OR9Q2: variants seen among roughly 807,000 people sequenced by gnomAD.
OR9Q2 encodes olfactory receptor family 9 subfamily Q member 2.
In OR9Q2, 2 loss-of-function variants were observed where a neutral mutation model predicts 2.3. That is an observed-to-expected ratio of 0.85 (90% CI 0.35 to 2.68). The LOEUF (loss-of-function observed/expected upper bound fraction) is 2.68. Ranked by LOEUF, OR9Q2 falls within the 30% of genes most tolerant of loss-of-function variation. The pLI is 0.10. For synonymous variants in OR9Q2, 178 were observed against 158.6 expected (o/e 1.12, Z -0.92); for missense variants, 404 against 395.7 (o/e 1.02, Z -0.18).
Position 58,193,888 on chromosome 11 carries a change from G to C in OR9Q2, c.*2453G>C, listed in dbSNP as rs1240949711. On this transcript the variant is annotated 3_prime_UTR_variant, in exon 2 of 2. Transcript: ENST00000641291. ...CAAAGCCCTTCCAGAATATCTCTTG[G>C]CTCAGAGTGCTTCAATAAATAGTTA... The C allele has an allele frequency of 6.6e-6, 1 of 152,150 alleles. No individual in the cohort carries two copies. Among genetic ancestry groups the C allele is most frequent in the East Asian group, 1.9e-4 (1 of 5,190 alleles). 9.4% of individuals were successfully genotyped at this position (152,150 alleles called of 1,614,324 possible). A position where few individuals can be genotyped will look rare whatever the true frequency, so the allele number is the denominator to read the frequency against.
At position 58,192,699 on chromosome 11, in the gene OR9Q2, G is replaced by A. The variant is rs957467669; in HGVS notation, c.*1264G>A. ...AAATATTTTAGAAAGGAGATGGCTG[G>A]GCATATTTAGGAAAAGGTATAGGGA... On this transcript the variant is annotated 3_prime_UTR_variant, in exon 2 of 2. Coordinates refer to ENST00000641291, the MANE Select transcript of OR9Q2 (RefSeq NM_001005283.3). The A allele has an allele frequency of 6.6e-6, 1 of 152,102 alleles. No individual in the cohort carries two copies. The highest frequency in any genetic ancestry group is 2.1e-4 in the South Asian group (1 of 4,826). 9.4% of individuals were successfully genotyped at this position (152,102 alleles called of 1,614,324 possible). A position where few individuals can be genotyped will look rare whatever the true frequency, so the allele number is the denominator to read the frequency against.
At position 58,190,535 on chromosome 11, in the gene OR9Q2, T is replaced by C; in HGVS notation, c.45T>C (p.Thr15=). 1.2e-6 allele frequency: 2 copies of C among 1,614,174 alleles called. No homozygotes were observed. The highest frequency in any genetic ancestry group is 1.1e-5 in the South Asian group (1 of 91,090). ...NYTVVTEFFL[T]AFTEHLQWRV... ...CCGTAGTGACGGAGTTCTTCCTTACTGCATTTACTGAACATCTCCAGTGGA... is the reference window on the plus strand; with the variant it reads ...CCGTAGTGACGGAGTTCTTCCTTACCGCATTTACTGAACATCTCCAGTGGA... The change falls in exon 2 of 2, where the codon ACT becomes ACC. Residue 15 remains threonine (T), a synonymous_variant. Coordinates refer to ENST00000641291, the MANE Select transcript of OR9Q2 (RefSeq NM_001005283.3).
chr11:58,191,175 C>A lies in OR9Q2; in HGVS notation c.685C>A (p.His229Asn). Residue 229 changes from histidine (H) to asparagine (N), a missense_variant, in exon 2 of 2, where the codon CAC (histidine) becomes AAC (asparagine). Physicochemically the swap from His to Asn is moderately conservative, Grantham distance 68 (BLOSUM62 1). Transcript: ENST00000641291. ...TATCATTGTGGCCATCCTGCAGATC[C>A]ACTCTGCTGGAGGCCGGGCCAAGAC... is the stretch of plus-strand genomic sequence containing the variant. ...LFIIVAILQI[H>N]SAGGRAKTFS... 3.1e-6 allele frequency: 5 copies of A among 1,614,098 alleles called. No homozygotes were observed. In the South Asian group the frequency reaches 5.5e-5, roughly 18 times the overall value.
rs1168235757 is a variant in OR9Q2, at chr11:58,193,168, G to A, written c.*1733G>A. 2.0e-5 allele frequency: 3 copies of A among 152,174 alleles called. No individual in the cohort carries two copies. Among genetic ancestry groups the A allele is most frequent in the Non-Finnish European group, 2.9e-5 (2 of 68,038 alleles). 9.4% of individuals were successfully genotyped at this position (152,174 alleles called of 1,614,324 possible). A position where few individuals can be genotyped will look rare whatever the true frequency, so the allele number is the denominator to read the frequency against. ...TTATTAATTACTGTTATTAATTCAT[G>A]TTAGTATGGTGCTTGTCCAGGCTCC... On this transcript the variant is annotated 3_prime_UTR_variant, in exon 2 of 2. Coordinates refer to ENST00000641291, the MANE Select transcript of OR9Q2 (RefSeq NM_001005283.3).
At position 58,191,454 on chromosome 11, in the gene OR9Q2, T is replaced by C. The variant is rs749298167; in HGVS notation, c.*19T>C. Reference sequence around the variant, plus strand: ...ACCCTAAATGGACCCTTGTGAAATATATCATTCCTTAGTTTCCCCATCTTT... The same window carrying C: ...ACCCTAAATGGACCCTTGTGAAATACATCATTCCTTAGTTTCCCCATCTTT... On this transcript the variant is annotated 3_prime_UTR_variant, in exon 2 of 2. Transcript: ENST00000641291. The C allele has an allele frequency of 5.4e-6, 8 of 1,474,082 alleles. No individual in the cohort carries two copies. Among genetic ancestry groups the C allele is most frequent in the Non-Finnish European group, 4.6e-6 (5 of 1,085,748 alleles). 91.3% of individuals were successfully genotyped at this position (1,474,082 alleles called of 1,614,324 possible).
At chr11:58,190,062 C>A (rs1251845441) in intron 1 of OR9Q2, among the ~76,000 whole-genome samples, 1 of 152,098 alleles carries the variant, frequency 6.6e-6, no homozygotes, top group Non-Finnish European at 1.5e-5. Flanking sequence ...ATGTGGAGTG[C>A]TTTTAGCTTT....
Position 58,191,474 on chromosome 11 carries a change from ATCTTTTCTG to A in OR9Q2, c.*48_*56del, listed in dbSNP as rs1447437550. On this transcript the variant is annotated 3_prime_UTR_variant, in exon 2 of 2. Transcript: ENST00000641291. ...AAATATATCATTCCTTAGTTTCCCCATCTTTTCTGTCTTTTCTCAATAGCACCTTCTGGA... is the reference window on the plus strand; with the variant it reads ...AAATATATCATTCCTTAGTTTCCCCATCTTTTCTCAATAGCACCTTCTGGA... 7.1e-7 allele frequency: 1 copy of A among 1,410,592 alleles called. No individual in the cohort carries two copies. Among genetic ancestry groups the A allele is most frequent in the Admixed American group, 2.2e-5 (1 of 44,602 alleles). The allele number at this position is 1,410,592 out of a possible 1,614,324, so 87.4% of individuals were successfully genotyped here. A position where few individuals can be genotyped will look rare whatever the true frequency, so the allele number is the denominator to read the frequency against.
chr11:58,191,497 G>A lies in OR9Q2; in HGVS notation c.*62G>A. Reference sequence around the variant, plus strand: ...CCATCTTTTCTGTCTTTTCTCAATAGCACCTTCTGGAGAGACTTTCCTAAA... The same window carrying A: ...CCATCTTTTCTGTCTTTTCTCAATAACACCTTCTGGAGAGACTTTCCTAAA... On this transcript the variant is annotated 3_prime_UTR_variant, in exon 2 of 2. Transcript: ENST00000641291. 3 of 1,231,038 alleles carry A rather than the reference G, an allele frequency of 2.4e-6. No homozygotes were observed. The highest frequency in any genetic ancestry group is 3.4e-6 in the Non-Finnish European group (3 of 881,370). The allele number at this position is 1,231,038 out of a possible 1,614,324, so 76.3% of individuals were successfully genotyped here.
chr11:58,189,502 T>C (rs1854738317), intron 1 of OR9Q2, among the ~76,000 whole-genome samples: 1 of 152,148 alleles, frequency 6.6e-6, no homozygotes, highest in Non-Finnish European at 1.5e-5. Flanking sequence ...GTTTTCTTTG[T>C]TATTCTCCTC....
Position 58,190,618 on chromosome 11 carries a change from C to T in OR9Q2, c.128C>T (p.Thr43Ile). 1 of 1,614,184 alleles carries T rather than the reference C, an allele frequency of 6.2e-7. No homozygotes were observed. Among genetic ancestry groups the T allele is most frequent in the Non-Finnish European group, 8.5e-7 (1 of 1,180,014 alleles). The change falls in exon 2 of 2, where the codon ACA becomes ATA. Residue 43 changes from threonine (T) to isoleucine (I), a missense_variant. By Grantham distance (89) the Thr-to-Ile change is moderately conservative. Transcript: ENST00000641291. ...TATCTTGCCACTATGTTAGGGAACA[C>T]AGGCATGATCCTCCTGATCCGTGGC... ...SFYLATMLGN[T>I]GMILLIRGDR... is the part of the protein sequence containing the mutation.
Position 58,191,207 on chromosome 11 carries a change from C to T in OR9Q2, c.717C>T (p.Ser239=), listed in dbSNP as rs868635044. Residue 239 remains serine, a synonymous_variant, in exon 2 of 2, where the codon TCC becomes TCT. Coordinates refer to ENST00000641291, the MANE Select transcript of OR9Q2 (RefSeq NM_001005283.3). ...CTGGAGGCCGGGCCAAGACCTTCTC[C>T]ACCTGCGCCTCCCACCTCACTGCCG... ...HSAGGRAKTF[S]TCASHLTAVA... The T allele has an allele frequency of 1.2e-6, 2 of 1,614,064 alleles. No individual in the cohort carries two copies. The highest frequency in any genetic ancestry group is 4.5e-5 in the East Asian group (2 of 44,874).
chr11:58,190,808 C>A lies in OR9Q2; in HGVS notation c.318C>A (p.Phe106Leu), dbSNP rs547593790. The A allele has an allele frequency of 6.5e-5, 105 of 1,614,116 alleles. No homozygotes were observed. Among genetic ancestry groups the A allele is most frequent in the Non-Finnish European group, 8.9e-5 (105 of 1,180,058 alleles). Residue 106 changes from phenylalanine to leucine, a missense_variant, in exon 2 of 2, where the codon TTC becomes TTA. Physicochemically the swap from Phe to Leu is conservative, Grantham distance 22. Coordinates refer to ENST00000641291, the MANE Select transcript of OR9Q2 (RefSeq NM_001005283.3). ...CAGCTCAGTTCTTCCTCTTCACCTT[C>A]TTTGCCTCCATCGACTGCTACCTTC... ...RCAAQFFLFT[F>L]FASIDCYLLA...
chr11:58,190,569 C>T lies in OR9Q2; in HGVS notation c.79C>T (p.Leu27Phe). 6.2e-7 allele frequency: 1 copy of T among 1,614,104 alleles called. No homozygotes were observed. The highest frequency in any genetic ancestry group is 2.2e-5 in the East Asian group (1 of 44,880). ...TGAACATCTCCAGTGGAGGGTTCCT[C>T]TCTTCCTCATATTTTTGAGTTTCTA... ...FTEHLQWRVPLFLIFLSFYLA... is the reference protein window; with the variant it reads ...FTEHLQWRVPFFLIFLSFYLA... The change falls in exon 2 of 2, where the codon CTC (leucine) becomes TTC (phenylalanine). Residue 27 changes from leucine (L) to phenylalanine (F), a missense_variant. By Grantham distance (22) the Leu-to-Phe change is conservative. Coordinates refer to ENST00000641291, the MANE Select transcript of OR9Q2 (RefSeq NM_001005283.3).
At position 58,191,437 on chromosome 11, in the gene OR9Q2, T is replaced by A; in HGVS notation, c.*2T>A. 1.3e-6 allele frequency: 2 copies of A among 1,559,182 alleles called. No homozygotes were observed. The highest frequency in any genetic ancestry group is 4.5e-5 in the East Asian group (2 of 44,344). On this transcript the variant is annotated 3_prime_UTR_variant, in exon 2 of 2. Coordinates refer to ENST00000641291, the MANE Select transcript of OR9Q2 (RefSeq NM_001005283.3). Reference sequence around the variant, plus strand: ...TCAAAGCCTGCTAGAAGACCCTAAATGGACCCTTGTGAAATATATCATTCC... The same window carrying A: ...TCAAAGCCTGCTAGAAGACCCTAAAAGGACCCTTGTGAAATATATCATTCC...
At position 58,191,323 on chromosome 11, in the gene OR9Q2, AC is replaced by A; in HGVS notation, c.834del (p.Tyr278Ter). On this transcript the variant is annotated frameshift_variant, in exon 2 of 2. Transcript: ENST00000641291. LOFTEE classifies it low-confidence loss of function (END_TRUNC). ...GGAGACCGAGTGGTGTCTGTGCTCT[AC>A]ACGGTGGTGACCCCAATGCTGAATC... ...SEGDRVVSVL[Y>X]TVVTPMLNPL... 1.2e-6 allele frequency: 2 copies of A among 1,614,138 alleles called. No individual in the cohort carries two copies. Among genetic ancestry groups the A allele is most frequent in the Non-Finnish European group, 8.5e-7 (1 of 1,180,026 alleles).
At position 58,191,432 on chromosome 11, in the gene OR9Q2, C is replaced by A. The variant is rs755268189; in HGVS notation, c.942C>A (p.Pro314=). The change falls in exon 2 of 2, where the codon CCC becomes CCA. Residue 314 remains proline (P), a synonymous_variant. Transcript: ENST00000641291. ...ALSKSKPARR[P] is the part of the protein sequence containing the mutation. The stretch of plus-strand genomic sequence containing the variant: ...GCAAATCAAAGCCTGCTAGAAGACC[C>A]TAAATGGACCCTTGTGAAATATATC... The A allele has an allele frequency of 6.4e-7, 1 of 1,565,360 alleles. No homozygotes were observed.
chr11:58,191,088 A>G lies in OR9Q2; in HGVS notation c.598A>G (p.Ile200Val). ...GDSYTQEVVIIVFALFVMPAC... is the reference protein window; with the variant it reads ...GDSYTQEVVIVVFALFVMPAC... ...CAGCTACACTCAGGAAGTGGTGATT[A>G]TTGTGTTTGCTCTTTTCGTCATGCC... is the stretch of plus-strand genomic sequence containing the variant. The change falls in exon 2 of 2, where the codon ATT (isoleucine) becomes GTT (valine). Residue 200 changes from isoleucine (I) to valine (V), a missense_variant. Physicochemically the swap from Ile to Val is conservative, Grantham distance 29. Transcript: ENST00000641291. 1 of 1,614,000 alleles carries G rather than the reference A, an allele frequency of 6.2e-7. No individual in the cohort carries two copies. The highest frequency in any genetic ancestry group is 8.5e-7 in the Non-Finnish European group (1 of 1,179,986).
chr11:58,190,838 C>T lies in OR9Q2; in HGVS notation c.348C>T (p.Ala116=). The T allele has an allele frequency of 6.2e-7, 1 of 1,614,204 alleles. No homozygotes were observed. Among genetic ancestry groups the T allele is most frequent in the African/African-American group, 1.3e-5 (1 of 75,040 alleles). Residue 116 remains alanine, a synonymous_variant, in exon 2 of 2, where the codon GCC becomes GCT. Transcript: ENST00000641291. ...FFASIDCYLL[A]IMAYDRYTAV... ...CCTCCATCGACTGCTACCTTCTGGC[C>T]ATCATGGCCTATGACCGCTACACGG...
In OR9Q2 at chr11:58,191,017, T is replaced by A. The variant is rs769226272; in HGVS notation, c.527T>A (p.Phe176Tyr). 8 of 1,614,070 alleles carry A rather than the reference T, an allele frequency of 5.0e-6. No homozygotes were observed. The highest frequency in any genetic ancestry group is 1.7e-5 in the Admixed American group (1 of 60,008). Reference protein sequence around the residue: ...LSFCGNNEINFIFCDLPPLLK... With the variant: ...LSFCGNNEINYIFCDLPPLLK... Reference sequence around the variant, plus strand: ...TTTTGTGGAAACAATGAGATCAACTTCATTTTCTGTGACCTCCCTCCTCTA... The same window carrying A: ...TTTTGTGGAAACAATGAGATCAACTACATTTTCTGTGACCTCCCTCCTCTA... Residue 176 changes from phenylalanine (F) to tyrosine (Y), a missense_variant, in exon 2 of 2, where the codon TTC becomes TAC. Phe to Tyr is a conservative substitution (Grantham distance 22). Transcript: ENST00000641291.
Sources: gnomAD v4.1 joint callset for allele counts (sites outside exome capture counted in the v4.1 genomes callset) on GRCh38, gnomAD v4.1.1 for gene constraint, MANE v1.5 for transcripts, NCBI Gene and HGNC (gene_info 2026-07-23, HGNC 2026-07-21) for gene names.